The following CACNA2D3 variants were observed in gnomAD, a reference collection of about 807,000 sequenced individuals.
The protein encoded by CACNA2D3 is voltage-dependent calcium channel subunit alpha-2/delta-3.
Under a neutral mutation model 160.6 loss-of-function variants are expected in CACNA2D3, and 60 were observed. The ratio of observed to expected loss-of-function variants is 0.37; its 90% CI spans 0.30 to 0.46. CACNA2D3 has a LOEUF of 0.46. CACNA2D3 is among the 20% of genes least tolerant of loss of function. The probability of loss-of-function intolerance (pLI) is 1.00; values close to 1 mark genes in which losing one functional copy is unlikely to be tolerated. For missense variants in CACNA2D3, 1,205 were observed against 1,365.0 expected (o/e 0.88, Z 1.85); for synonymous variants, 558 against 492.9 (o/e 1.13, Z -1.75).
chr3:54,608,480 GT>G (rs1231388783), intron 9 of CACNA2D3, among the ~76,000 whole-genome samples: 3 of 152,194 alleles, frequency 2.0e-5, no homozygotes, highest in Non-Finnish European at 4.4e-5. Flanking sequence ...AGGAAGAGAT[GT>G]TACGAAAATC....
At chr3:54,810,689 G>T (rs1261498210) in intron 13 of CACNA2D3, among the ~76,000 whole-genome samples, 1 of 152,114 alleles carries the variant, frequency 6.6e-6, no homozygotes, top group African/African-American at 2.4e-5. Flanking sequence ...ATATTTCACA[G>T]TGAAATGTGT....
At chr3:54,275,192 T>C (rs562153604) in intron 2 of CACNA2D3, among the ~76,000 whole-genome samples, 13 of 152,290 alleles carry the variant, frequency 8.5e-5, no homozygotes, top group Admixed American at 7.8e-4. Flanking sequence ...CTGTTCCCTC[T>C]TTCGTCTCTC....
chr3:54,341,006 C>A (rs1698331418), intron 3 of CACNA2D3, among the ~76,000 whole-genome samples: 1 of 152,230 alleles, frequency 6.6e-6, no homozygotes, highest in Non-Finnish European at 1.5e-5. Flanking sequence ...AGCTTCACGC[C>A]TGCTGTCCCC....
chr3:54,518,374 T>G (rs7431090), intron 5 of CACNA2D3, among the ~76,000 whole-genome samples: 104,497 of 151,708 alleles, frequency 0.69, 36,333 homozygotes, highest in African/African-American at 0.76. Flanking sequence ...GGTGAGGAAG[T>G]GGGAGAGAGA....
intron 3 of CACNA2D3, among the ~76,000 whole-genome samples, chr3:54,367,350 A>G (rs957034165): frequency 2.0e-5 from 3 of 152,206 alleles, no homozygotes; most frequent in African/African-American, 7.2e-5. Context: ...CGTTATGAGT[A>G]TAGGGATCCT....
intron 11 of CACNA2D3, among the ~76,000 whole-genome samples, chr3:54,719,948 C>T (rs1246498310): frequency 4.0e-5 from 6 of 151,608 alleles, no homozygotes; most frequent in Admixed American, 3.9e-4. Flanking sequence ...TTATAAAGTC[C>T]CCTTATTTCC....
At chr3:54,767,103 C>A (rs774798515) in intron 13 of CACNA2D3, among the ~76,000 whole-genome samples, 2 of 151,756 alleles carry the variant, frequency 1.3e-5, no homozygotes. Context: ...AATGACACAA[C>A]TCTGAGTATA....
chr3:55,064,278 G>T (rs2107224567), intron 35 of CACNA2D3, among the ~76,000 whole-genome samples: 1 of 152,326 alleles, frequency 6.6e-6, no homozygotes, highest in South Asian at 2.1e-4. Context: ...CAAATACTTA[G>T]TACCTGGATC....
intron 2 of CACNA2D3, among the ~76,000 whole-genome samples, chr3:54,144,205 T>C (rs1433691437): frequency 6.6e-6 from 1 of 152,252 alleles, no homozygotes. Flanking sequence ...TTACTCATCA[T>C]TTTCCGAAAT....
intron 2 of CACNA2D3, among the ~76,000 whole-genome samples, chr3:54,149,079 G>T (rs76809219): frequency 1.3e-5 from 2 of 151,998 alleles, no homozygotes; most frequent in African/African-American, 4.8e-5. Context: ...AGTGGTGAAG[G>T]TTTTATGCCA....
chr3:54,802,324 G>A (rs1308311577), intron 13 of CACNA2D3, among the ~76,000 whole-genome samples: 1 of 152,098 alleles, frequency 6.6e-6, no homozygotes, highest in Non-Finnish European at 1.5e-5. Flanking sequence ...CAAGGAGAAG[G>A]ATATTCAGAG....
Position 55,004,718 on chromosome 3 carries a change from G to A in CACNA2D3, c.2691-45G>A, listed in dbSNP as rs368370487. On this transcript the variant is annotated intron_variant, in intron 31 of 37. Coordinates refer to ENST00000474759, the MANE Select transcript of CACNA2D3 (RefSeq NM_018398.3). ...TAGTACATAGCATCAATTGGTTCCC[G>A]TGTTTTCTCATTTAGTGAAGCTCCC... The A allele has an allele frequency of 4.0e-5, 54 of 1,337,560 alleles. No homozygotes were observed. The East Asian group carries it at 4.6e-4, about 11-fold the overall frequency. 82.9% of individuals were successfully genotyped at this position (1,337,560 alleles called of 1,614,324 possible).
At chr3:54,608,198 A>G (rs1315454192) in intron 9 of CACNA2D3, among the ~76,000 whole-genome samples, 1 of 152,230 alleles carries the variant, frequency 6.6e-6, no homozygotes, top group Non-Finnish European at 1.5e-5. Context: ...TTAGGTTAAC[A>G]GTGTTATACC....
At chr3:54,141,074 T>TGTGTGTGTGTGC (rs1699918448) in intron 2 of CACNA2D3, among the ~76,000 whole-genome samples, 1 of 123,686 alleles carries the variant, frequency 8.1e-6, no homozygotes, top group African/African-American at 3.7e-5. Flanking sequence ...TGTGTGTGTG[T>TGTGTGTGTGTGC]GTGTGTGTGT....
Position 54,783,627 on chromosome 3 carries a change from A to AAT in CACNA2D3, c.1380+19277_1380+19278insTA, listed in dbSNP as rs200951585. 4.7e-3 allele frequency among the ~76,000 whole-genome samples: 698 copies of AAT among 149,682 alleles called. 3 individuals are homozygous for AAT. Among genetic ancestry groups the AAT allele is most frequent in the African/African-American group, 0.016 (639 of 39,514 alleles). ...TCTCAAATAAATAAATAAATAAATA[A>AAT]AAATAAAAATAAAAATAAATAATGA... On this transcript the variant is annotated intron_variant, in intron 13 of 37. Transcript: ENST00000474759.
Position 54,137,538 on chromosome 3 carries a change from G to C in CACNA2D3, c.204+13944G>C, listed in dbSNP as rs553596584. On this transcript the variant is annotated intron_variant, in intron 2 of 37. Transcript: ENST00000474759. ...AATTGCTCCCTCAGGGGCCTTTTGG[G>C]CACAAAACTGTGTTTTTTTTCTAAG... Among the ~76,000 whole-genome samples, 3 of 152,314 alleles carry C rather than the reference G, an allele frequency of 2.0e-5. No homozygotes were observed. The South Asian group carries it at 6.2e-4, about 32-fold the overall frequency.
At chr3:54,310,801 G>A (rs1575387259) in intron 2 of CACNA2D3, among the ~76,000 whole-genome samples, 1 of 152,174 alleles carries the variant, frequency 6.6e-6, no homozygotes, top group African/African-American at 2.4e-5. Flanking sequence ...CTCTGCTGCT[G>A]CGTACTTTAC....
At chr3:54,683,987 T>TG (rs1553782640) in intron 11 of CACNA2D3, among the ~76,000 whole-genome samples, 13,194 of 95,058 alleles carry the variant, frequency 0.14, 596 homozygotes, top group South Asian at 0.24. Context: ...TTTTTTTTTT[T>TG]GAGACGGAGT....
intron 2 of CACNA2D3, among the ~76,000 whole-genome samples, chr3:54,286,170 A>G (rs1261657866): frequency 6.6e-6 from 1 of 152,176 alleles, no homozygotes; most frequent in Non-Finnish European, 1.5e-5. Context: ...CAAAGAAGTT[A>G]AAAACTTTGA....
Sources: allele counts gnomAD v4.1 joint callset (sites outside exome capture counted in the v4.1 genomes callset), GRCh38; gene constraint gnomAD v4.1.1; transcripts MANE v1.5; gene names NCBI Gene and HGNC (gene_info 2026-07-23, HGNC 2026-07-21).